HTT: variants seen among roughly 807,000 people sequenced by gnomAD.
The protein encoded by HTT is huntington disease protein.
Under a neutral mutation model 362.3 loss-of-function variants are expected in HTT, and 104 were observed. That is an observed-to-expected ratio of 0.29 (90% CI 0.24 to 0.34). HTT has a LOEUF of 0.34. Ranked by LOEUF, HTT falls within the 10% of genes least tolerant of loss-of-function variation. The pLI is 1.00. For synonymous variants in HTT, 1,577 were observed against 1,548.7 expected, an observed-to-expected ratio of 1.02 and a Z score of -0.43; for missense variants, 3,301 against 3,928.6, an observed-to-expected ratio of 0.84 and a Z score of 4.27.
Position 3,074,756 on chromosome 4 carries a change from C to G in HTT, c.-70C>G. ...TGCGGCCCAGAGCCCCATTCATTGC[C>G]CCGGTGCTGAGCGGCGCCGCGAGTC... On this transcript the variant is annotated 5_prime_UTR_variant, in exon 1 of 67. Transcript: ENST00000355072. 1 of 1,468,678 alleles carries G rather than the reference C, an allele frequency of 6.8e-7. No individual in the cohort carries two copies. Among genetic ancestry groups the G allele is most frequent in the Admixed American group, 2.1e-5 (1 of 46,750 alleles). The allele number at this position is 1,468,678 out of a possible 1,614,324, so 91.0% of individuals were successfully genotyped here.
At chr4:3,219,825 T>C (rs1720593422) in intron 52 of HTT, among the ~76,000 whole-genome samples, 1 of 152,230 alleles carries the variant, frequency 6.6e-6, no homozygotes, top group Non-Finnish European at 1.5e-5. Context: ...ATATCTGAGC[T>C]GAACCTCATT....
intron 65 of HTT, 30 bp downstream of exon 65, chr4:3,238,639 TG>T (rs746701103): frequency 6.4e-6 from 10 of 1,570,234 alleles, no homozygotes; most frequent in Non-Finnish European, 8.7e-6. Context: ...GGGGATGGAG[TG>T]GGAAAGCCTG....
chr4:3,208,907 A>G lies in HTT; in HGVS notation c.6287A>G (p.Asp2096Gly), dbSNP rs763076617. ...GHVSLETVSP[D>G]KDWYVHLVKS... is the part of the protein sequence containing the mutation. ...GTGTCACTGGAAACAGTGAGTCCGG[A>G]CAAAGTAAGTGTCCAGCGTGTCTGC... The change falls in exon 46 of 67, where the codon GAC (aspartate) becomes GGC (glycine). Residue 2096 changes from aspartate (D) to glycine (G), a missense_variant. Transcript: ENST00000355072. 9 of 1,610,298 alleles carry G rather than the reference A, an allele frequency of 5.6e-6. No individual in the cohort carries two copies. Among genetic ancestry groups the G allele is most frequent in the Non-Finnish European group, 6.8e-6 (8 of 1,178,870 alleles).
chr4:3,185,369 G>A (rs928591211), intron 37 of HTT, among the ~76,000 whole-genome samples: 4 of 152,150 alleles, frequency 2.6e-5, no homozygotes, highest in African/African-American at 9.7e-5. Flanking sequence ...GTGAGCACAG[G>A]CGAGGGTCCA....
At chr4:3,167,778 G>A (rs1717784958) in intron 29 of HTT, among the ~76,000 whole-genome samples, 1 of 152,048 alleles carries the variant, frequency 6.6e-6, no homozygotes, top group South Asian at 2.1e-4. Context: ...ATTTTTAAAG[G>A]TACATAAAGA....
intron 40 of HTT, among the ~76,000 whole-genome samples, chr4:3,198,461 G>A (rs1239330725): frequency 2.0e-5 from 3 of 152,118 alleles, no homozygotes; most frequent in Non-Finnish European, 2.9e-5. Context: ...CTGACCTCAA[G>A]TGATCTGCCC....
chr4:3,171,493 T>C (rs1163154786), intron 29 of HTT, among the ~76,000 whole-genome samples: 1 of 149,640 alleles, frequency 6.7e-6, no homozygotes, highest in East Asian at 2.0e-4. Flanking sequence ...TTTTTTGAGA[T>C]GGACTTTCGC....
chr4:3,174,848 A>G (rs773895970), intron 32 of HTT, 49 bp downstream of exon 32: 8 of 1,583,666 alleles, frequency 5.1e-6, no homozygotes, highest in Non-Finnish European at 6.9e-6. Flanking sequence ...TCAGTGCTAG[A>G]GAGGAAACTG....
rs1039204692 is a variant in HTT at position 3,113,477 on chromosome 4, G to A, written c.748-1827G>A. Among the ~76,000 whole-genome samples the A allele has an allele frequency of 5.9e-4, 90 of 152,118 alleles. 1 individual carries two copies. Among genetic ancestry groups the A allele is most frequent in the African/African-American group, 1.6e-3 (67 of 41,490 alleles). On this transcript the variant is annotated intron_variant, in intron 6 of 66. Transcript: ENST00000355072. ...CTCAAGTAGCTGAGACTGCAGGTGCGTACCACCATGCCTGGCTAATGTTTG... is the reference window on the plus strand; with the variant it reads ...CTCAAGTAGCTGAGACTGCAGGTGCATACCACCATGCCTGGCTAATGTTTG...
At chr4:3,077,711 C>A (rs1415996551) in intron 1 of HTT, among the ~76,000 whole-genome samples, 15 of 152,300 alleles carry the variant, frequency 9.8e-5, no homozygotes, top group Middle Eastern at 3.4e-3. Context: ...AGCCACCATG[C>A]CTGGCTAGAA....
chr4:3,239,739 C>T, intron 66 of HTT, 107 bp from the exon 67 acceptor site: 1 of 889,844 alleles, frequency 1.1e-6, no homozygotes, highest in East Asian at 2.7e-5. Context: ...GCTCTCCAGG[C>T]TCCCTGGACC....
chr4:3,129,897 T>A (rs1199217825), intron 12 of HTT, 27 bp from the exon 13 acceptor site: 13 of 1,613,864 alleles, frequency 8.1e-6, no homozygotes, highest in Non-Finnish European at 1.1e-5. Flanking sequence ...ACTTCAAAAT[T>A]CTCACAGCCC....
intron 33 of HTT, among the ~76,000 whole-genome samples, chr4:3,176,462 T>C (rs1718250902): frequency 6.6e-6 from 1 of 152,158 alleles, no homozygotes; most frequent in Non-Finnish European, 1.5e-5. Context: ...AAATAGTCAT[T>C]GGGAACTTCT....
intron 33 of HTT, 21 bp from the exon 34 acceptor site, chr4:3,177,311 A>G (rs1177004974): frequency 1.9e-6 from 3 of 1,558,764 alleles, no homozygotes; most frequent in Middle Eastern, 1.7e-4. Flanking sequence ...TTGATGTGAA[A>G]TTTTATTTTC....
At chr4:3,115,026 T>C (rs143740318) in intron 6 of HTT, among the ~76,000 whole-genome samples, 2 of 152,074 alleles carry the variant, frequency 1.3e-5, no homozygotes, top group Non-Finnish European at 2.9e-5. Flanking sequence ...GTGGGCAGAG[T>C]GTATCTAGAA....
At chr4:3,201,975 C>T (rs1269024644) in intron 41 of HTT, among the ~76,000 whole-genome samples, 1 of 152,198 alleles carries the variant, frequency 6.6e-6, no homozygotes, top group Admixed American at 6.5e-5. Context: ...TCCTCTCAGG[C>T]TGGCTCCCAG....
chr4:3,107,362 C>T lies in HTT; in HGVS notation c.686C>T (p.Ala229Val). 6.2e-7 allele frequency: 1 copy of T among 1,614,198 alleles called. No homozygotes were observed. Among genetic ancestry groups the T allele is most frequent in the Non-Finnish European group, 8.5e-7 (1 of 1,180,002 alleles). ...GAAGAATCAGTCCAGGAGACCTTGG[C>T]TGCAGCTGTTCCCAAAATTATGGCT... ...RPEESVQETL[A>V]AAVPKIMASF... The change falls in exon 6 of 67, where the codon GCT becomes GTT. Residue 229 changes from alanine (A) to valine (V), a missense_variant. By Grantham distance (64) the Ala-to-Val change is moderately conservative. Coordinates refer to ENST00000355072, the MANE Select transcript of HTT (RefSeq NM_001388492.1).
At chr4:3,160,246 C>T (rs2110217890) in intron 28 of HTT, 36 bp from the exon 29 acceptor site, 5 of 1,306,432 alleles carry the variant, frequency 3.8e-6, no homozygotes, top group Non-Finnish European at 5.4e-6. Context: ...CGTGACAGGG[C>T]CAGTAACCGT....
At chr4:3,076,181 A>G (rs1027777360) in intron 1 of HTT, among the ~76,000 whole-genome samples, 2 of 152,110 alleles carry the variant, frequency 1.3e-5, no homozygotes, top group Non-Finnish European at 2.9e-5. Flanking sequence ...AATTTTTGAA[A>G]CAGGAAAAGA....
Sources: gnomAD v4.1 joint callset for allele counts (sites outside exome capture counted in the v4.1 genomes callset) on GRCh38, gnomAD v4.1.1 for gene constraint, MANE v1.5 for transcripts, NCBI Gene and HGNC (gene_info 2026-07-23, HGNC 2026-07-21) for gene names.